The following ABCA1 variants were observed in gnomAD, a reference collection of about 807,000 sequenced individuals.
ABCA1 encodes the protein phospholipid-transporting ATPase ABCA1.
Under a neutral mutation model 262.5 loss-of-function variants are expected in ABCA1, and 133 were observed. The observed-to-expected ratio is 0.51, with a 90% confidence interval of 0.44 to 0.59. The LOEUF is 0.59. Among genes scored for constraint, ABCA1 ranks in the 20% least tolerant of loss-of-function variants. The probability of loss-of-function intolerance (pLI) is 0.00; values close to 1 mark genes in which losing one functional copy is unlikely to be tolerated. For synonymous variants in ABCA1, 1,022 were observed against 1,043.5 expected (o/e 0.98, Z 0.40); for missense variants, 2,452 against 2,777.5 (o/e 0.88, Z 2.63).
chr9:104,791,887 A>G lies in ABCA1; in HGVS notation c.5820+49T>C, dbSNP rs751833916. ...AGCATCGTTGCTTGATTGGGTAGAG[A>G]TAGTCTGAACTAATAGGGACAAACG... On this transcript the variant is annotated intron_variant, in intron 43 of 49. Transcript: ENST00000374736. 7 of 1,573,120 alleles carry G rather than the reference A, an allele frequency of 4.4e-6. No individual in the cohort carries two copies. The East Asian group carries it at 1.1e-4, about 26-fold the overall frequency.
At chr9:104,884,828 A>G (rs1325232102) in intron 3 of ABCA1, among the ~76,000 whole-genome samples, 1 of 152,198 alleles carries the variant, frequency 6.6e-6, no homozygotes, top group Admixed American at 6.5e-5. Context: ...TCCTAAGCAG[A>G]AAGTCCCTGG....
chr9:104,788,046 C>A lies in ABCA1; in HGVS notation c.6078G>T (p.Glu2026Asp), dbSNP rs1829077648. The A allele has an allele frequency of 6.2e-7, 1 of 1,614,100 alleles. No homozygotes were observed. Among genetic ancestry groups the A allele is most frequent in the East Asian group, 2.2e-5 (1 of 44,892 alleles). Residue 2026 changes from glutamate (E) to aspartate (D), a missense_variant, in exon 46 of 50, where the codon GAG becomes GAT. Physicochemically the swap from Glu to Asp is conservative, Grantham distance 45 (BLOSUM62 2). This residue lies in a region of ABCA1 where 752 missense variants were observed against 944.5 expected (regional missense o/e 0.80). Coordinates refer to ENST00000374736, the MANE Select transcript of ABCA1 (RefSeq NM_005502.4). ...VPEKEVGKVGEWAIRKLGLVK... is the reference protein window; with the variant it reads ...VPEKEVGKVGDWAIRKLGLVK... ...CGAGGCCCAGTTTCCGAATCGCCCA[C>A]TCACCAACCTACAGTGATAAAAAGC...
chr9:104,897,761 G>A (rs913473375), intron 2 of ABCA1, among the ~76,000 whole-genome samples: 1 of 152,250 alleles, frequency 6.6e-6, no homozygotes, highest in Middle Eastern at 3.4e-3. Flanking sequence ...GTGCTACCAC[G>A]CCTGGCTAAT....
chr9:104,845,519 G>A lies in ABCA1; in HGVS notation c.771C>T (p.Ala257=). Residue 257 remains alanine (A), a synonymous_variant, in exon 8 of 50, where the codon GCC becomes GCT. Transcript: ENST00000374736. Reference sequence around the variant, plus strand: ...CAAGACTATGCAGCAATGTTTTTGTGGCTTCAGCCAGCTCCTTGCTCGGGA... The same window carrying A: ...CAAGACTATGCAGCAATGTTTTTGTAGCTTCAGCCAGCTCCTTGCTCGGGA... The part of the protein sequence containing the change: ...SPFPSKELAE[A]TKTLLHSLGT... 6.2e-7 allele frequency: 1 copy of A among 1,614,032 alleles called. No individual in the cohort carries two copies. Among genetic ancestry groups the A allele is most frequent in the Non-Finnish European group, 8.5e-7 (1 of 1,179,948 alleles).
intron 7 of ABCA1, among the ~76,000 whole-genome samples, chr9:104,847,877 T>C (rs762428973): frequency 1.3e-5 from 2 of 152,356 alleles, no homozygotes; most frequent in East Asian, 3.9e-4. Context: ...TGTATAGATA[T>C]ACTATATGCA....
chr9:104,898,364 T>C lies in ABCA1; in HGVS notation c.66+5250A>G, dbSNP rs1840384186. On this transcript the variant is annotated intron_variant, in intron 2 of 49. Coordinates refer to ENST00000374736, the MANE Select transcript of ABCA1 (RefSeq NM_005502.4). ...AGGAGTTTCAGACCAGCCTGGCCAA[T>C]ATGGTGAAACCGCATCTCTATAAAA... 3.3e-5 allele frequency among the ~76,000 whole-genome samples: 5 copies of C among 151,698 alleles called. No homozygotes were observed. The South Asian group carries it at 1.0e-3, about 32-fold the overall frequency.
rs557626075 is a variant in ABCA1, at chr9:104,882,028, T to TAAAAAAAAAAAAAAAAA, written c.421+994_421+1010dup. Among the ~76,000 whole-genome samples, 70 of 73,748 alleles carry TAAAAAAAAAAAAAAAAA rather than the reference T, an allele frequency of 9.5e-4. 4 individuals are homozygous for TAAAAAAAAAAAAAAAAA. The highest frequency in any genetic ancestry group is 3.6e-3 in the South Asian group (6 of 1,688). 48.4% of individuals were successfully genotyped at this position (73,748 alleles called of 152,430 possible). Reference sequence around the variant, plus strand: ...CAAGGAAAGCACAGTTCTGTAGCCTTAAAAAAAAAAAAAAAAAAAAAAAAA... The same window carrying TAAAAAAAAAAAAAAAAA: ...CAAGGAAAGCACAGTTCTGTAGCCTTAAAAAAAAAAAAAAAAAAAAAAAAAAAAAAAAAAAAAAAAAA... On this transcript the variant is annotated intron_variant, in intron 5 of 49. Coordinates refer to ENST00000374736, the MANE Select transcript of ABCA1 (RefSeq NM_005502.4).
At chr9:104,895,816 C>G (rs1400016206) in intron 2 of ABCA1, among the ~76,000 whole-genome samples, 2 of 152,148 alleles carry the variant, frequency 1.3e-5, no homozygotes, top group East Asian at 3.9e-4. Context: ...AGGACACAGT[C>G]ACGGTGCTCT....
At chr9:104,869,004 G>A (rs953137758) in intron 5 of ABCA1, among the ~76,000 whole-genome samples, 1 of 151,332 alleles carries the variant, frequency 6.6e-6, no homozygotes, top group Non-Finnish European at 1.5e-5. Context: ...AGGGAAGAGA[G>A]GGGTGAAGGA....
intron 39 of ABCA1, among the ~76,000 whole-genome samples, chr9:104,794,734 G>A (rs1829743419): frequency 6.6e-6 from 1 of 152,080 alleles, no homozygotes; most frequent in African/African-American, 2.4e-5. Context: ...TAGAAAATCT[G>A]GAGAAATGCT....
chr9:104,875,943 T>C (rs948866353), intron 5 of ABCA1, among the ~76,000 whole-genome samples: 1 of 152,138 alleles, frequency 6.6e-6, no homozygotes, highest in Non-Finnish European at 1.5e-5. Flanking sequence ...GTCTAGAAAA[T>C]GATCTTTGCG....
chr9:104,785,661 C>T, intron 48 of ABCA1, 22 bp from the exon 49 acceptor site: 1 of 1,613,432 alleles, frequency 6.2e-7, no homozygotes, highest in Non-Finnish European at 8.5e-7. Context: ...AAAAAATACC[C>T]AAATGGAGGA....
intron 5 of ABCA1, among the ~76,000 whole-genome samples, chr9:104,879,146 T>C (rs1838410128): frequency 6.6e-6 from 1 of 151,874 alleles, no homozygotes; most frequent in Admixed American, 6.6e-5. Context: ...TCCACTAAGA[T>C]CAGAAAGTCT....
At position 104,831,118 on chromosome 9, in the gene ABCA1, G is replaced by A. The variant is rs375275138; in HGVS notation, c.1716-17C>T. On this transcript the variant is annotated splice_polypyrimidine_tract_variant and intron_variant, in intron 13 of 49. Transcript: ENST00000374736. ...TCCCAGTACCTAAAACCAAACCACAGGTAATCAACCATTCCTTTAGAACCA... is the reference window on the plus strand; with the variant it reads ...TCCCAGTACCTAAAACCAAACCACAAGTAATCAACCATTCCTTTAGAACCA... 1.2e-5 allele frequency: 18 copies of A among 1,549,966 alleles called. No individual in the cohort carries two copies. The highest frequency in any genetic ancestry group is 1.5e-5 in the African/African-American group (1 of 66,290).
chr9:104,874,828 G>A (rs1474674439), intron 5 of ABCA1, among the ~76,000 whole-genome samples: 7 of 135,266 alleles, frequency 5.2e-5, no homozygotes, highest in Non-Finnish European at 1.0e-4. Context: ...GGAGGTGGGG[G>A]CCAGCCCCCG....
At chr9:104,794,646 A>G in intron 39 of ABCA1, 136 bp from the exon 40 acceptor site, 1 of 980,602 alleles carries the variant, frequency 1.0e-6, no homozygotes, top group South Asian at 1.6e-5. Flanking sequence ...CTAGGGACAA[A>G]CCAGACCTTT....
At chr9:104,889,035 G>C (rs1024377419) in intron 3 of ABCA1, 67 bp downstream of exon 3, 1 of 1,375,038 alleles carries the variant, frequency 7.3e-7, no homozygotes, top group African/African-American at 1.4e-5. Context: ...GTCCAATTTA[G>C]CCCACGTTAA....
chr9:104,837,728 A>G (rs1451617496), intron 9 of ABCA1, among the ~76,000 whole-genome samples, 161 bp from the exon 10 acceptor site: 1 of 152,222 alleles, frequency 6.6e-6, no homozygotes, highest in Non-Finnish European at 1.5e-5. Context: ...CTCCTCTGTA[A>G]AAGTAAAATT....
intron 2 of ABCA1, among the ~76,000 whole-genome samples, chr9:104,901,192 C>T (rs917681422): frequency 6.6e-6 from 1 of 151,844 alleles, no homozygotes; most frequent in African/African-American, 2.4e-5. Context: ...TAAGCAGCTG[C>T]AAAAAAATAA....
Sources: gnomAD v4.1 joint callset for allele counts (sites outside exome capture counted in the v4.1 genomes callset) on GRCh38, gnomAD v4.1.1 for gene constraint, gnomAD v4.1.1 regional missense constraint, MANE v1.5 for transcripts, NCBI Gene and HGNC (gene_info 2026-07-23, HGNC 2026-07-21) for gene names.